Variants in SCAPER observed in about 807,000 individuals in gnomAD.
The protein encoded by SCAPER is S phase cyclin A-associated protein in the endoplasmic reticulum.
SCAPER carries 98 observed loss-of-function variants against 182.2 expected under a neutral mutation model. That is an observed-to-expected ratio of 0.54 (90% CI 0.46 to 0.64). SCAPER has a LOEUF of 0.64. Ranked by LOEUF, SCAPER falls within the 30% of genes least tolerant of loss-of-function variation. SCAPER has a pLI of 0.00. For synonymous variants in SCAPER, 605 were observed against 564.6 expected, an observed-to-expected ratio of 1.07 and a Z score of -1.01; for missense variants, 1,432 against 1,690.0, an observed-to-expected ratio of 0.85 and a Z score of 2.68.
At chr15:76,736,641 G>C (rs938955375) in intron 15 of SCAPER, 1 of 152,392 alleles carries the variant, frequency 6.6e-6, no homozygotes, top group African/African-American at 2.4e-5. Context: ...GAAATAACTT[G>C]GATGTGAGGG....
intron 25 of SCAPER, among the ~76,000 whole-genome samples, chr15:76,452,102 T>A (rs2048406142): frequency 1.3e-5 from 2 of 152,178 alleles, no homozygotes; most frequent in South Asian, 2.1e-4. Context: ...TTCTCTCATC[T>A]CTCTGCTTTC....
At chr15:76,384,811 G>A (rs906572781) in intron 27 of SCAPER, among the ~76,000 whole-genome samples, 1 of 152,172 alleles carries the variant, frequency 6.6e-6, no homozygotes, top group Admixed American at 6.5e-5. Context: ...TTAGCTTGAA[G>A]TACAGATAAT....
At chr15:76,891,395 T>C (rs2074156737) in intron 1 of SCAPER, among the ~76,000 whole-genome samples, 1 of 152,270 alleles carries the variant, frequency 6.6e-6, no homozygotes, top group South Asian at 2.1e-4. Flanking sequence ...TGCTGGCAGA[T>C]AACATGATTA....
chr15:76,619,608 C>CT (rs1226122512), intron 22 of SCAPER, among the ~76,000 whole-genome samples: 3 of 151,690 alleles, frequency 2.0e-5, no homozygotes, highest in African/African-American at 7.3e-5. Context: ...TATTATTATA[C>CT]TTTAAGTTTT....
At chr15:76,572,184 A>C (rs959241814) in intron 23 of SCAPER, among the ~76,000 whole-genome samples, 1 of 152,150 alleles carries the variant, frequency 6.6e-6, no homozygotes, top group Non-Finnish European at 1.5e-5. Flanking sequence ...TATATAGATC[A>C]TTTTGCCTTT....
chr15:76,572,911 T>TCACACACACACACACACACA (rs67724539), intron 23 of SCAPER, among the ~76,000 whole-genome samples: 1 of 109,062 alleles, frequency 9.2e-6, no homozygotes, highest in Non-Finnish European at 1.8e-5. Context: ...TCTCTCTCTC[T>TCACACACACACACACACACA]CTCTCTCTCA....
Position 76,515,878 on chromosome 15 carries a change from G to C in SCAPER, c.2839-10904C>G, listed in dbSNP as rs79952766. 4.8e-3 allele frequency among the ~76,000 whole-genome samples: 738 copies of C among 152,284 alleles called. 14 individuals are homozygous for C. Among genetic ancestry groups the C allele is most frequent in the East Asian group, 0.025 (131 of 5,190 alleles). ...GCTCTGACATCAGAAATTCCCTTAA[G>C]AGGAGAGACAGCCCATCAATGAGAA... On this transcript the variant is annotated intron_variant, in intron 23 of 31. Coordinates refer to ENST00000563290, the MANE Select transcript of SCAPER (RefSeq NM_020843.4).
chr15:76,703,296 T>A (rs1598263524), intron 18 of SCAPER, among the ~76,000 whole-genome samples: 1 of 152,210 alleles, frequency 6.6e-6, no homozygotes, highest in East Asian at 1.9e-4. Context: ...AATGTAGAAC[T>A]TTACAGAACC....
chr15:76,765,625 C>A lies in SCAPER; in HGVS notation c.1433G>T (p.Ser478Ile). 1 of 1,578,840 alleles carries A rather than the reference C, an allele frequency of 6.3e-7. No homozygotes were observed. The highest frequency in any genetic ancestry group is 8.6e-7 in the Non-Finnish European group (1 of 1,161,046). ...CATACCACAGAAAGAAACACTCCCACTGCCCATGCTGGCCTAAAATGTAAT... is the reference window on the plus strand; with the variant it reads ...CATACCACAGAAAGAAACACTCCCAATGCCCATGCTGGCCTAAAATGTAAT... The part of the protein sequence containing the change: ...NDSDFSASMG[S>I]GSVSFCGMSM... The change falls in exon 12 of 32, where the codon AGT (serine) becomes ATT (isoleucine). Residue 478 changes from serine (S) to isoleucine (I), a missense_variant. Ser to Ile is a moderately radical substitution (Grantham distance 142). Transcript: ENST00000563290.
chr15:76,462,417 AAATTTGAT>A (rs1342629341), intron 25 of SCAPER, among the ~76,000 whole-genome samples: 2 of 152,168 alleles, frequency 1.3e-5, no homozygotes, highest in African/African-American at 4.8e-5. Context: ...GGATTCTTTC[AAATTTGAT>A]AATACTTGCT....
chr15:76,435,449 T>C (rs1379747094), intron 25 of SCAPER, among the ~76,000 whole-genome samples: 1 of 152,244 alleles, frequency 6.6e-6, no homozygotes, highest in African/African-American at 2.4e-5. Context: ...CAAGTTCATA[T>C]ACATCAGTGA....
chr15:76,739,297 C>T (rs1366622777), intron 15 of SCAPER, among the ~76,000 whole-genome samples: 2 of 152,192 alleles, frequency 1.3e-5, no homozygotes, highest in African/African-American at 2.4e-5. Flanking sequence ...AAGATTCATT[C>T]TTACCACTGA....
At chr15:76,830,678 G>A (rs1452647097) in intron 5 of SCAPER, among the ~76,000 whole-genome samples, 2 of 152,062 alleles carry the variant, frequency 1.3e-5, no homozygotes, top group Non-Finnish European at 2.9e-5. Context: ...TCAGGTTTGA[G>A]GTGGGAAGGA....
chr15:76,383,118 A>ACACACC (rs1491574337), intron 27 of SCAPER, among the ~76,000 whole-genome samples: 1 of 146,726 alleles, frequency 6.8e-6, no homozygotes, highest in African/African-American at 2.5e-5. Context: ...ACACACACAC[A>ACACACC]CCTACACACA....
intron 2 of SCAPER, among the ~76,000 whole-genome samples, chr15:76,882,387 C>T (rs2151954704): frequency 6.6e-6 from 1 of 150,712 alleles, no homozygotes; most frequent in East Asian, 1.9e-4. Context: ...GAGACTCTGT[C>T]TCCAGAAGAA....
intron 24 of SCAPER, among the ~76,000 whole-genome samples, chr15:76,501,615 T>C (rs187846856): frequency 6.6e-6 from 1 of 152,286 alleles, no homozygotes; most frequent in Non-Finnish European, 1.5e-5. Context: ...TATCAAATCC[T>C]CTGCTATTTA....
intron 25 of SCAPER, among the ~76,000 whole-genome samples, chr15:76,455,024 A>C (rs988402607): frequency 6.6e-5 from 10 of 152,142 alleles, no homozygotes; most frequent in African/African-American, 2.4e-4. Context: ...TTAACTTTTT[A>C]ATTATTCCTC....
intron 9 of SCAPER, among the ~76,000 whole-genome samples, chr15:76,772,298 T>C (rs918884844): frequency 1.3e-5 from 2 of 152,058 alleles, no homozygotes; most frequent in Non-Finnish European, 2.9e-5. Context: ...GAGGCATTCA[T>C]TCACTGTATT....
At chr15:76,825,167 T>C (rs972917887) in intron 5 of SCAPER, among the ~76,000 whole-genome samples, 20 of 152,232 alleles carry the variant, frequency 1.3e-4, no homozygotes, top group African/African-American at 4.1e-4. Context: ...ATACCAATTA[T>C]ATGCTTTTAT....
Sources: allele counts gnomAD v4.1 joint callset (sites outside exome capture counted in the v4.1 genomes callset), GRCh38; gene constraint gnomAD v4.1.1; transcripts MANE v1.5; gene names NCBI Gene and HGNC (gene_info 2026-07-23, HGNC 2026-07-21).